The following RPTOR variants were observed in gnomAD, a reference collection of about 807,000 sequenced individuals.
RPTOR encodes the protein regulatory associated protein of MTOR complex 1, also known as regulatory-associated protein of mTOR.
In RPTOR, 21 loss-of-function variants were observed where a neutral mutation model predicts 169.9. The observed-to-expected ratio is 0.12, with a 90% CI of 0.09 to 0.18. The LOEUF (loss-of-function observed/expected upper bound fraction) is 0.18. Among genes scored for constraint, RPTOR ranks in the 10% least tolerant of loss-of-function variants. The pLI is 1.00. For missense variants in RPTOR, 1,133 were observed against 1,855.9 expected (o/e 0.61, Z 7.16); for synonymous variants, 732 against 753.2 (o/e 0.97, Z 0.46).
Position 80,872,851 on chromosome 17 carries a change from C to T in RPTOR, c.1510-7564C>T, listed in dbSNP as rs982423213. Reference sequence around the variant, plus strand: ...CCGAGGGCGACCACAGAGGCTGTCTCTGTGTGGCAACTTCAGGGCCCCATG... The same window carrying T: ...CCGAGGGCGACCACAGAGGCTGTCTTTGTGTGGCAACTTCAGGGCCCCATG... On this transcript the variant is annotated intron_variant, in intron 13 of 33. Transcript: ENST00000306801. Among the ~76,000 whole-genome samples, 21 of 152,156 alleles carry T rather than the reference C, an allele frequency of 1.4e-4. 1 individual carries two copies. Among genetic ancestry groups the T allele is most frequent in the Non-Finnish European group, 2.6e-4 (18 of 68,006 alleles).
chr17:80,752,362 G>T (rs954571517), intron 5 of RPTOR, among the ~76,000 whole-genome samples: 8 of 152,228 alleles, frequency 5.3e-5, no homozygotes, highest in Non-Finnish European at 1.2e-4. Context: ...TGAGGACTCT[G>T]CATCCCCGGA....
At chr17:80,840,638 AC>A (rs1300649649) in intron 10 of RPTOR, among the ~76,000 whole-genome samples, 19 of 72,044 alleles carry the variant, frequency 2.6e-4, no homozygotes, top group Non-Finnish European at 5.4e-4. Flanking sequence ...CTCTCACCGC[AC>A]GGCAGCTCAC....
chr17:80,567,860 T>A (rs948784543), intron 1 of RPTOR, among the ~76,000 whole-genome samples: 4 of 151,810 alleles, frequency 2.6e-5, no homozygotes, highest in African/African-American at 9.7e-5. Flanking sequence ...AAATAAATTT[T>A]AAAATAAGAA....
In RPTOR at chr17:80,960,935, G is replaced by A. The variant is rs566308565; in HGVS notation, c.3606-459G>A. The A allele has an allele frequency of 1.7e-5, 3 of 175,584 alleles. No individual in the cohort carries two copies. The highest frequency in any genetic ancestry group is 2.4e-5 in the Non-Finnish European group (2 of 82,104). 10.9% of individuals were successfully genotyped at this position (175,584 alleles called of 1,614,324 possible). Reference sequence around the variant, plus strand: ...AAGTAAATTTCACCCAGCACAGAGCGAGGATTCCCAGAAGGTCCTTGTGCC... The same window carrying A: ...AAGTAAATTTCACCCAGCACAGAGCAAGGATTCCCAGAAGGTCCTTGTGCC... On this transcript the variant is annotated intron_variant, in intron 30 of 33. Transcript: ENST00000306801. The surrounding 1 kb of genome is among the most constrained non-coding windows in gnomAD (Gnocchi z 4.8).
At chr17:80,714,377 G>A (rs191124837) in intron 4 of RPTOR, among the ~76,000 whole-genome samples, 71 of 152,186 alleles carry the variant, frequency 4.7e-4, no homozygotes, top group African/African-American at 1.5e-3. Flanking sequence ...TTATACAGCC[G>A]TCCACACAAC....
At position 80,562,524 on chromosome 17, in the gene RPTOR, G is replaced by A. The variant is rs900648163; in HGVS notation, c.162+16733G>A. On this transcript the variant is annotated intron_variant, in intron 1 of 33. Coordinates refer to ENST00000306801, the MANE Select transcript of RPTOR (RefSeq NM_020761.3). The surrounding 1 kb of genome is among the most constrained non-coding windows in gnomAD (Gnocchi z 4.4). ...CAAGGCCGGGAGCAGTGGCTCATGC[G>A]TGTAATCCCAGCACTTTGGGAGGCT... Among the ~76,000 whole-genome samples, 2 of 152,110 alleles carry A rather than the reference G, an allele frequency of 1.3e-5. No individual in the cohort carries two copies. Among genetic ancestry groups the A allele is most frequent in the Non-Finnish European group, 2.9e-5 (2 of 68,008 alleles).
At chr17:80,613,588 T>C (rs1017060394) in intron 1 of RPTOR, among the ~76,000 whole-genome samples, 5 of 152,234 alleles carry the variant, frequency 3.3e-5, no homozygotes, top group Non-Finnish European at 5.9e-5. Context: ...TGTGTTGGAC[T>C]CGGGCTGGGC....
intron 13 of RPTOR, among the ~76,000 whole-genome samples, chr17:80,875,039 A>G (rs2143811002): frequency 1.3e-5 from 2 of 152,334 alleles, no homozygotes; most frequent in East Asian, 1.9e-4. Flanking sequence ...GGCTTGGCTC[A>G]TCATCCTGCC....
At chr17:80,691,639 C>A (rs2065992820) in intron 3 of RPTOR, among the ~76,000 whole-genome samples, 1 of 152,184 alleles carries the variant, frequency 6.6e-6, no homozygotes, top group African/African-American at 2.4e-5. Flanking sequence ...TATGGTATGA[C>A]AAGCCAGCAT....
intron 21 of RPTOR, 144 bp from the exon 22 acceptor site, chr17:80,922,580 G>A: frequency 1.4e-6 from 1 of 693,980 alleles, no homozygotes; most frequent in Non-Finnish European, 2.5e-6. Flanking sequence ...ATCCAGCTGG[G>A]GCCTTCCATT....
At chr17:80,688,462 C>T (rs144609734) in intron 3 of RPTOR, among the ~76,000 whole-genome samples, 1 of 152,326 alleles carries the variant, frequency 6.6e-6, no homozygotes, top group East Asian at 1.9e-4. Context: ...TCAGTATTGT[C>T]AGGTTCTGGA....
At chr17:80,648,945 C>T (rs375719521) in intron 3 of RPTOR, among the ~76,000 whole-genome samples, 5 of 152,184 alleles carry the variant, frequency 3.3e-5, no homozygotes, top group East Asian at 1.9e-4. Context: ...ATGTGACTTG[C>T]GCCTCCTTAC....
chr17:80,865,969 A>G (rs966322756), intron 13 of RPTOR, among the ~76,000 whole-genome samples: 4 of 152,194 alleles, frequency 2.6e-5, no homozygotes, highest in Non-Finnish European at 5.9e-5. Context: ...AATCAATAAT[A>G]GATAGTAGGA....
intron 6 of RPTOR, among the ~76,000 whole-genome samples, chr17:80,788,435 G>A (rs966353379): frequency 1.3e-5 from 2 of 152,120 alleles, no homozygotes; most frequent in South Asian, 2.1e-4. Flanking sequence ...GTGACAGAGT[G>A]AGACTCTGTC....
intron 7 of RPTOR, among the ~76,000 whole-genome samples, chr17:80,795,883 T>TGCCTTCTCAGCACTTCC (rs1567915749): frequency 6.6e-6 from 1 of 152,202 alleles, no homozygotes; most frequent in Non-Finnish European, 1.5e-5. Flanking sequence ...CAGACACTTC[T>TGCCTTCTCAGCACTTCC]GCCTTCTCAG....
intron 6 of RPTOR, among the ~76,000 whole-genome samples, chr17:80,788,662 G>A (rs192689904): frequency 3.5e-4 from 53 of 152,158 alleles, no homozygotes; most frequent in African/African-American, 1.1e-3. Flanking sequence ...TCTTCACTAT[G>A]ATGTACCTAA....
chr17:80,665,876 T>C (rs144894233), intron 3 of RPTOR, among the ~76,000 whole-genome samples: 1 of 152,244 alleles, frequency 6.6e-6, no homozygotes, highest in South Asian at 2.1e-4. Flanking sequence ...TGATATAAAG[T>C]ATGAAGAACT....
At chr17:80,925,665 G>T (rs754757378) in intron 24 of RPTOR, among the ~76,000 whole-genome samples, 185 bp downstream of exon 24, 1 of 152,242 alleles carries the variant, frequency 6.6e-6, no homozygotes. Context: ...GTCGCCAAAC[G>T]AAAAGAGAAA....
chr17:80,634,275 G>GTGTGTGTGCGTACTGTGTGTGTGCC lies in RPTOR; in HGVS notation c.265+8483_265+8484insGTGTGTGCGTACTGTGTGTGTGCCT, dbSNP rs1567830453. ...GTATGCGTGCATACCGTGTGTGTGC[G>GTGTGTGTGCGTACTGTGTGTGTGCC]TACTGTGTGTGTGCGTACTGTGTGT... On this transcript the variant is annotated intron_variant, in intron 2 of 33. Transcript: ENST00000306801. Among the ~76,000 whole-genome samples, 62 of 52,170 alleles carry GTGTGTGTGCGTACTGTGTGTGTGCC rather than the reference G, an allele frequency of 1.2e-3. 5 individuals are homozygous for GTGTGTGTGCGTACTGTGTGTGTGCC. Among genetic ancestry groups the GTGTGTGTGCGTACTGTGTGTGTGCC allele is most frequent in the Non-Finnish European group, 1.6e-3 (41 of 25,776 alleles). The allele number at this position is 52,170 out of a possible 152,430, so 34.2% of individuals were successfully genotyped here. A position where few individuals can be genotyped will look rare whatever the true frequency, so the allele number is the denominator to read the frequency against.
Sources: gnomAD v4.1 joint callset for allele counts (sites outside exome capture counted in the v4.1 genomes callset) on GRCh38, gnomAD v4.1.1 for gene constraint, Gnocchi (gnomAD v3.1) non-coding constraint, MANE v1.5 for transcripts, NCBI Gene and HGNC (gene_info 2026-07-23, HGNC 2026-07-21) for gene names.